Variants in ETF1 observed in about 807,000 individuals in gnomAD.
ETF1 encodes the protein eukaryotic peptide chain release factor subunit 1.
In ETF1, 4 loss-of-function variants were observed where a neutral mutation model predicts 55.1. The ratio of observed to expected loss-of-function variants is 0.07; its 90% confidence interval spans 0.04 to 0.17. ETF1 has a LOEUF of 0.17. ETF1 is among the 10% of genes least tolerant of loss of function. ETF1 has a pLI of 1.00. For synonymous variants in ETF1, 157 were observed against 182.3 expected (o/e 0.86, Z 1.12); for missense variants, 142 against 523.6 (o/e 0.27, Z 7.11).
chr5:138,535,555 A>G (rs1765886995), intron 2 of ETF1, among the ~76,000 whole-genome samples: 1 of 151,890 alleles, frequency 6.6e-6, no homozygotes, highest in African/African-American at 2.4e-5. Context: ...CTCTGTCTCT[A>G]CTAAAAAATG....
chr5:138,514,026 C>T (rs188886559), intron 4 of ETF1: 24 of 566,704 alleles, frequency 4.2e-5, no homozygotes, highest in Non-Finnish European at 4.9e-5. Flanking sequence ...GTTAATACTA[C>T]TCAATCTCAA....
intron 2 of ETF1, among the ~76,000 whole-genome samples, chr5:138,538,528 G>A (rs1374349509): frequency 6.6e-6 from 1 of 152,140 alleles, no homozygotes; most frequent in Non-Finnish European, 1.5e-5. Flanking sequence ...AACAGTTTGG[G>A]GGAAGGGAGG....
At chr5:138,518,924 T>A (rs1392606296) in intron 2 of ETF1, 57 bp from the exon 3 acceptor site, 1 of 1,593,418 alleles carries the variant, frequency 6.3e-7, no homozygotes, top group African/African-American at 1.3e-5. Flanking sequence ...TAAACTCATG[T>A]TTCTCTCTGG....
Position 138,510,357 on chromosome 5 carries a change from CAAAAAAAAAAAAAA to C in ETF1, c.1083+194_1083+207del, listed in dbSNP as rs57906231. Among the ~76,000 whole-genome samples the C allele has an allele frequency of 4.6e-5, 3 of 64,782 alleles. 1 individual carries two copies. The highest frequency in any genetic ancestry group is 1.2e-4 in the African/African-American group (2 of 16,586). The allele number at this position is 64,782 out of a possible 152,430, so 42.5% of individuals were successfully genotyped here. On this transcript the variant is annotated intron_variant, in intron 9 of 10. Transcript: ENST00000360541. ...TGGGCAACAGAGCAAGACCTTGTCT[CAAAAAAAAAAAAAA>C]AAAAAAAAAAAAAAAAAGCTGCAGC... is the stretch of plus-strand genomic sequence containing the variant.
chr5:138,519,838 A>G (rs1031640531), intron 2 of ETF1, among the ~76,000 whole-genome samples: 6 of 152,086 alleles, frequency 3.9e-5, no homozygotes, highest in African/African-American at 1.4e-4. Context: ...TGACCTATGG[A>G]AGATTTTGGT....
intron 2 of ETF1, among the ~76,000 whole-genome samples, chr5:138,540,307 G>GCCTGAAAACCTCAGTTTCCT (rs1766120187): frequency 6.6e-6 from 1 of 152,056 alleles, no homozygotes; most frequent in South Asian, 2.1e-4. Flanking sequence ...TAATAACCAT[G>GCCTGAAAACCTCAGTTTCCT]CCTGAAAACC....
At chr5:138,525,127 TA>T (rs1299616454) in intron 2 of ETF1, among the ~76,000 whole-genome samples, 1 of 152,084 alleles carries the variant, frequency 6.6e-6, no homozygotes, top group African/African-American at 2.4e-5. Flanking sequence ...ATTCTAATTT[TA>T]TCATGTTAAG....
intron 3 of ETF1, 102 bp from the exon 4 acceptor site, chr5:138,517,802 A>C (rs1765080458): frequency 2.3e-6 from 3 of 1,320,254 alleles, no homozygotes; most frequent in Non-Finnish European, 2.9e-6. Context: ...CTGATCCTTT[A>C]AGTCATAATT....
chr5:138,524,817 C>A (rs1765397543), intron 2 of ETF1, among the ~76,000 whole-genome samples: 1 of 152,000 alleles, frequency 6.6e-6, no homozygotes, highest in Non-Finnish European at 1.5e-5. Flanking sequence ...ACTTCATGAT[C>A]CGCCCGCCTT....
intron 4 of ETF1, among the ~76,000 whole-genome samples, chr5:138,515,124 T>C (rs1024482761): frequency 1.3e-4 from 20 of 152,164 alleles, no homozygotes; most frequent in African/African-American, 4.3e-4. Flanking sequence ...TGCTAGATAG[T>C]TGGCATTAAG....
At chr5:138,520,133 A>G (rs2127087138) in intron 2 of ETF1, among the ~76,000 whole-genome samples, 1 of 145,168 alleles carries the variant, frequency 6.9e-6, no homozygotes, top group Non-Finnish European at 1.5e-5. Context: ...AATCCAGGGA[A>G]ATAATCAACT....
intron 2 of ETF1, among the ~76,000 whole-genome samples, chr5:138,537,529 A>C (rs1765987512): frequency 6.6e-6 from 1 of 152,216 alleles, no homozygotes; most frequent in African/African-American, 2.4e-5. Flanking sequence ...TCTTCTCACA[A>C]AACTTAAAAT....
chr5:138,529,439 C>T (rs1292784989), intron 2 of ETF1: 5 of 230,508 alleles, frequency 2.2e-5, no homozygotes, highest in South Asian at 1.6e-4. Flanking sequence ...AGTTTTCCTT[C>T]GTTTTTCTAC....
intron 2 of ETF1, among the ~76,000 whole-genome samples, chr5:138,528,558 G>C (rs1223046223): frequency 6.6e-6 from 1 of 152,166 alleles, no homozygotes; most frequent in African/African-American, 2.4e-5. Context: ...GCTTGCCTAA[G>C]AATTGTTTTT....
intron 2 of ETF1, among the ~76,000 whole-genome samples, chr5:138,534,260 C>G (rs1472789956): frequency 6.6e-6 from 1 of 152,172 alleles, no homozygotes; most frequent in Non-Finnish European, 1.5e-5. Flanking sequence ...ATGTACACAT[C>G]TGGTAGAGTG....
chr5:138,517,970 G>C, intron 3 of ETF1: 1 of 740,616 alleles, frequency 1.4e-6, no homozygotes, highest in Non-Finnish European at 1.6e-6. Flanking sequence ...GGGAGGCCGA[G>C]GTAGGCGGAT....
rs1581015596 is a variant in ETF1 at position 138,511,203 on chromosome 5, A to G, written c.863-3T>C. 1.9e-6 allele frequency: 3 copies of G among 1,613,880 alleles called. No individual in the cohort carries two copies. Among genetic ancestry groups the G allele is most frequent in the Admixed American group, 1.7e-5 (1 of 59,944 alleles). ...GCTGATTTCATCAAAGTATCGTCCT[A>G]CGATTAGGGATCAGTCAACAGGATA... On this transcript the variant is annotated splice_region_variant and splice_polypyrimidine_tract_variant and intron_variant, in intron 7 of 10. Transcript: ENST00000360541.
chr5:138,519,173 A>G, intron 2 of ETF1: 1 of 984,932 alleles, frequency 1.0e-6, no homozygotes, highest in Non-Finnish European at 1.2e-6. Flanking sequence ...ATAAATAAGG[A>G]GTGTCAACAG....
chr5:138,537,076 T>C lies in ETF1; in HGVS notation c.86+5757A>G, dbSNP rs151025452. Among the ~76,000 whole-genome samples the C allele has an allele frequency of 2.3e-3, 347 of 152,340 alleles. 2 individuals are homozygous for C. The highest frequency in any genetic ancestry group is 8.2e-3 in the African/African-American group (340 of 41,576). On this transcript the variant is annotated intron_variant, in intron 2 of 10. Coordinates refer to ENST00000360541, the MANE Select transcript of ETF1 (RefSeq NM_004730.4). ...GAGTAATTGTTCATTAGGTTCACAG[T>C]GCATAGAACACCATGCCAGATACAA...
Sources: gnomAD v4.1 joint callset for allele counts (sites outside exome capture counted in the v4.1 genomes callset) on GRCh38, gnomAD v4.1.1 for gene constraint, MANE v1.5 for transcripts, NCBI Gene and HGNC (gene_info 2026-07-23, HGNC 2026-07-21) for gene names.